The following PARD3B variants were observed in gnomAD, a reference collection of about 807,000 sequenced individuals.
PARD3B encodes the protein partitioning defective 3 homolog B.
Under a neutral mutation model 130.2 loss-of-function variants are expected in PARD3B, and 103 were observed. The observed-to-expected ratio is 0.79, with a 90% CI of 0.67 to 0.93. The LOEUF (loss-of-function observed/expected upper bound fraction) is 0.93. Among genes scored for constraint, PARD3B ranks in the 40% least tolerant of loss-of-function variants. The probability of loss-of-function intolerance (pLI) is 0.00; values close to 1 mark genes in which losing one functional copy is unlikely to be tolerated. For missense variants in PARD3B, 1,609 were observed against 1,499.2 expected, an observed-to-expected ratio of 1.07 and a Z score of -1.21; for synonymous variants, 583 against 553.2, an observed-to-expected ratio of 1.05 and a Z score of -0.76.
chr2:205,014,924 T>C (rs1366471574), intron 3 of PARD3B, among the ~76,000 whole-genome samples: 1 of 152,212 alleles, frequency 6.6e-6, no homozygotes, highest in East Asian at 1.9e-4. Context: ...GATCAACTTC[T>C]CCATGTCTCA....
At chr2:205,186,474 A>G (rs561383819) in intron 14 of PARD3B, among the ~76,000 whole-genome samples, 2 of 152,182 alleles carry the variant, frequency 1.3e-5, no homozygotes, top group Non-Finnish European at 2.9e-5. Flanking sequence ...GAGTTTTAAA[A>G]ATCATTAAAT....
At chr2:204,699,076 AT>A (rs2037756713) in intron 2 of PARD3B, among the ~76,000 whole-genome samples, 1 of 152,060 alleles carries the variant, frequency 6.6e-6, no homozygotes, top group South Asian at 2.1e-4. Flanking sequence ...AAGTTTTGCA[AT>A]TATCAGTTTT....
rs1286877266 is a variant in PARD3B at position 205,288,989 on chromosome 2, T to C, written c.2186-11541T>C. On this transcript the variant is annotated intron_variant, in intron 16 of 22. Transcript: ENST00000406610. This position sits in a 1 kb window ranked among gnomAD's most constrained non-coding sequence, Gnocchi z 4.0. ...CAAAAGTCCATGACCTTGTCTGATT[T>C]GTAATTTTGTTGATGGTGTCATGGG... Among the ~76,000 whole-genome samples the C allele has an allele frequency of 1.3e-5, 2 of 152,208 alleles. No individual in the cohort carries two copies. Among genetic ancestry groups the C allele is most frequent in the Admixed American group, 6.5e-5 (1 of 15,288 alleles).
intron 3 of PARD3B, among the ~76,000 whole-genome samples, chr2:204,974,335 G>A (rs1691958760): frequency 6.6e-6 from 1 of 152,224 alleles, no homozygotes; most frequent in East Asian, 1.9e-4. Flanking sequence ...TGTGATCGGG[G>A]AAAATGGGTA....
intron 2 of PARD3B, among the ~76,000 whole-genome samples, chr2:204,727,983 G>A (rs1185132641): frequency 1.3e-5 from 2 of 152,106 alleles, no homozygotes; most frequent in African/African-American, 4.8e-5. Context: ...TCAGGGGGCT[G>A]GGTGAAATCA....
intron 21 of PARD3B, among the ~76,000 whole-genome samples, chr2:205,545,874 G>A (rs956558436): frequency 6.6e-6 from 1 of 152,070 alleles, no homozygotes; most frequent in African/African-American, 2.4e-5. Flanking sequence ...TCTACAAATG[G>A]GGAATATTGG....
At chr2:205,611,075 A>AG (rs759319184) in intron 22 of PARD3B, among the ~76,000 whole-genome samples, 3 of 152,256 alleles carry the variant, frequency 2.0e-5, no homozygotes, top group Non-Finnish European at 4.4e-5. Flanking sequence ...TACTCCATGC[A>AG]GTATACAACC....
At chr2:205,508,573 A>G (rs2050464641) in intron 21 of PARD3B, among the ~76,000 whole-genome samples, 1 of 26,632 alleles carries the variant, frequency 3.8e-5, no homozygotes, top group African/African-American at 6.0e-5. Context: ...CCCTTTCTCC[A>G]AGAAAAAAAA....
chr2:204,939,758 C>A (rs527337704), intron 2 of PARD3B, among the ~76,000 whole-genome samples: 1 of 152,254 alleles, frequency 6.6e-6, no homozygotes, highest in African/African-American at 2.4e-5. Flanking sequence ...GGCCTTGTAG[C>A]TTTTTGCAAA....
intron 18 of PARD3B, among the ~76,000 whole-genome samples, chr2:205,364,530 C>G (rs2044525548): frequency 6.6e-6 from 1 of 152,218 alleles, no homozygotes; most frequent in African/African-American, 2.4e-5. Flanking sequence ...CTTTAATCCT[C>G]TCCATCTTTT....
At chr2:205,513,329 T>A (rs1241290317) in intron 21 of PARD3B, among the ~76,000 whole-genome samples, 1 of 152,100 alleles carries the variant, frequency 6.6e-6, no homozygotes, top group Non-Finnish European at 1.5e-5. Flanking sequence ...AGCTTTCTCC[T>A]TTCTATGTAT....
At chr2:204,625,636 T>A (rs911108120) in intron 1 of PARD3B, among the ~76,000 whole-genome samples, 4 of 152,214 alleles carry the variant, frequency 2.6e-5, no homozygotes, top group Non-Finnish European at 4.4e-5. Flanking sequence ...ATTAAAGCAA[T>A]ACATTGCTAT....
intron 1 of PARD3B, among the ~76,000 whole-genome samples, chr2:204,612,121 A>G (rs1346915039): frequency 6.6e-6 from 1 of 152,238 alleles, no homozygotes; most frequent in Non-Finnish European, 1.5e-5. Flanking sequence ...TTATAGGAGT[A>G]TGTGCAGAGA....
intron 2 of PARD3B, among the ~76,000 whole-genome samples, chr2:204,743,608 C>G (rs2040099768): frequency 1.3e-5 from 2 of 152,170 alleles, no homozygotes; most frequent in Admixed American, 6.5e-5. Context: ...TATCAGCCAG[C>G]TCATTTGGGT....
chr2:205,529,637 T>C (rs766078832), intron 21 of PARD3B, among the ~76,000 whole-genome samples: 14 of 152,348 alleles, frequency 9.2e-5, no homozygotes, highest in Admixed American at 4.6e-4. Flanking sequence ...CTTCACTTTC[T>C]TTACTGACAC....
At chr2:204,670,615 A>T (rs1003852847) in intron 1 of PARD3B, among the ~76,000 whole-genome samples, 2 of 152,042 alleles carry the variant, frequency 1.3e-5, no homozygotes, top group Non-Finnish European at 2.9e-5. Context: ...TGATTAAGGT[A>T]GTTGAAAATA....
chr2:204,624,842 C>T (rs1276205097), intron 1 of PARD3B, among the ~76,000 whole-genome samples: 1 of 152,128 alleles, frequency 6.6e-6, no homozygotes, highest in Non-Finnish European at 1.5e-5. Context: ...CTGCTTTCTA[C>T]TGTCACCAGT....
chr2:205,561,648 A>G (rs2053141579), intron 22 of PARD3B, among the ~76,000 whole-genome samples: 2 of 152,312 alleles, frequency 1.3e-5, no homozygotes, highest in South Asian at 2.1e-4. Flanking sequence ...GACACTGTGA[A>G]TCATGGCCAG....
chr2:204,578,997 G>A (rs1211424884), intron 1 of PARD3B, among the ~76,000 whole-genome samples: 3 of 152,032 alleles, frequency 2.0e-5, no homozygotes, highest in Non-Finnish European at 4.4e-5. Flanking sequence ...TTGTCAGGAA[G>A]CGTGTGGTCT....
Sources: allele counts gnomAD v4.1 joint callset (sites outside exome capture counted in the v4.1 genomes callset), GRCh38; gene constraint gnomAD v4.1.1; non-coding constraint Gnocchi (gnomAD v3.1); transcripts MANE v1.5; gene names NCBI Gene and HGNC (gene_info 2026-07-23, HGNC 2026-07-21).